The following NUCB1 variants were observed in gnomAD, a reference collection of about 807,000 sequenced individuals.
NUCB1 encodes nucleobindin 1, also known as nucleobindin-1.
NUCB1 carries 47 observed loss-of-function variants against 61.2 expected under a neutral mutation model. That is an observed-to-expected ratio of 0.77 (90% confidence interval 0.61 to 0.98). The LOEUF (loss-of-function observed/expected upper bound fraction) is 0.98, where lower values mean the gene tolerates loss of function less well. Among genes scored for constraint, NUCB1 ranks in the 50% least tolerant of loss-of-function variants. The pLI, the probability that NUCB1 is intolerant of heterozygous loss-of-function variation, is 0.00. For missense variants in NUCB1, 583 were observed against 605.3 expected (o/e 0.96, Z 0.39); for synonymous variants, 234 against 243.1 (o/e 0.96, Z 0.35).
intron 7 of NUCB1, among the ~76,000 whole-genome samples, chr19:48,914,361 AG>A (rs1165702525): frequency 2.0e-5 from 3 of 152,024 alleles, no homozygotes; most frequent in Admixed American, 6.6e-5. Context: ...GGGGTTGCCA[AG>A]CCCCCTCAGG....
intron 7 of NUCB1, among the ~76,000 whole-genome samples, chr19:48,917,776 G>A (rs1000970929): frequency 2.0e-5 from 3 of 151,408 alleles, no homozygotes; most frequent in Non-Finnish European, 2.9e-5. Context: ...GATTACAGGC[G>A]TGAGCCACCG....
At chr19:48,911,081 T>C in intron 4 of NUCB1, 68 bp from the exon 5 acceptor site, 1 of 1,167,534 alleles carries the variant, frequency 8.6e-7, no homozygotes, top group Non-Finnish European at 1.3e-6. Context: ...CTTTGGATCA[T>C]GTCTGGCCCA....
intron 2 of NUCB1, among the ~76,000 whole-genome samples, chr19:48,903,747 T>C (rs1443261192): frequency 7.6e-6 from 1 of 131,434 alleles, no homozygotes; most frequent in African/African-American, 3.0e-5. Context: ...GATGGGCGGG[T>C]GGATGGATGG....
intron 5 of NUCB1, among the ~76,000 whole-genome samples, chr19:48,911,661 C>T (rs1266514948): frequency 6.6e-6 from 1 of 152,062 alleles, no homozygotes; most frequent in Non-Finnish European, 1.5e-5. Context: ...CCGCCTCAGC[C>T]TCCCAAAGTG....
intron 7 of NUCB1, among the ~76,000 whole-genome samples, chr19:48,914,921 A>C (rs1331399172): frequency 6.6e-6 from 1 of 151,914 alleles, no homozygotes; most frequent in African/African-American, 2.4e-5. Flanking sequence ...TCTCCACAAA[A>C]ATACCAAAAT....
intron 2 of NUCB1, among the ~76,000 whole-genome samples, chr19:48,902,241 G>A (rs546326616): frequency 1.3e-5 from 2 of 152,028 alleles, no homozygotes; most frequent in African/African-American, 4.8e-5. Flanking sequence ...CTCCCGAGTA[G>A]CTGGGACTAC....
chr19:48,912,558 G>A (rs949600102), intron 5 of NUCB1, among the ~76,000 whole-genome samples: 2 of 152,116 alleles, frequency 1.3e-5, no homozygotes, highest in Admixed American at 6.6e-5. Flanking sequence ...ACATCAGGCT[G>A]TGCGCGATGG....
chr19:48,912,901 G>T, intron 5 of NUCB1, 110 bp from the exon 6 acceptor site: 1 of 681,024 alleles, frequency 1.5e-6, no homozygotes, highest in Non-Finnish European at 2.3e-6. Context: ...GACAGGTAGA[G>T]GCTGGGGCTG....
chr19:48,901,278 T>G (rs17272707), intron 2 of NUCB1, among the ~76,000 whole-genome samples: 17,274 of 152,268 alleles, frequency 0.11, 1,236 homozygotes, highest in Non-Finnish European at 0.16. Flanking sequence ...AGCTGGGGTA[T>G]TCTGACTTCA....
chr19:48,903,105 G>T (rs2037369805), intron 2 of NUCB1, among the ~76,000 whole-genome samples: 4 of 151,948 alleles, frequency 2.6e-5, no homozygotes. Flanking sequence ...ACCATGCCTG[G>T]CCTTCTCTCT....
At chr19:48,901,560 T>TC (rs1275599856) in intron 2 of NUCB1, among the ~76,000 whole-genome samples, 1 of 152,130 alleles carries the variant, frequency 6.6e-6, no homozygotes, top group Non-Finnish European at 1.5e-5. Context: ...GGTCAGGAGT[T>TC]CAAGACCAGC....
chr19:48,913,562 A>T lies in NUCB1; in HGVS notation c.755A>T (p.His252Leu). ...RFNPKTFFILHDINSDGVLDE... is the reference protein window; with the variant it reads ...RFNPKTFFILLDINSDGVLDE... ...AACCCCAAGACCTTCTTCATACTGC[A>T]TGGTAAGGTGGGGAGGGAGTTCCAG... The change falls in exon 7 of 13, where the codon CAT (histidine) becomes CTT (leucine). Residue 252 changes from histidine (H) to leucine (L), a missense_variant and splice_region_variant. Coordinates refer to ENST00000405315, the MANE Select transcript of NUCB1 (RefSeq NM_006184.6). 1 of 1,612,754 alleles carries T rather than the reference A, an allele frequency of 6.2e-7. No individual in the cohort carries two copies. The highest frequency in any genetic ancestry group is 8.5e-7 in the Non-Finnish European group (1 of 1,178,770).
intron 12 of NUCB1, 34 bp from the exon 13 acceptor site, chr19:48,922,284 G>A: frequency 6.4e-7 from 1 of 1,574,126 alleles, no homozygotes; most frequent in Non-Finnish European, 8.7e-7. Context: ...GGGTTCGGAT[G>A]TCCTGTGCCA....
At chr19:48,905,407 T>C (rs906516730) in intron 3 of NUCB1, among the ~76,000 whole-genome samples, 1 of 152,026 alleles carries the variant, frequency 6.6e-6, no homozygotes, top group African/African-American at 2.4e-5. Flanking sequence ...CACGGCTAAT[T>C]TTGTATTGTT....
At chr19:48,909,246 A>G in intron 4 of NUCB1, among the ~76,000 whole-genome samples, 1 of 130,876 alleles carries the variant, frequency 7.6e-6, no homozygotes, top group South Asian at 2.2e-4. Flanking sequence ...TATTATTATT[A>G]TTATTTTTTT....
intron 4 of NUCB1, among the ~76,000 whole-genome samples, chr19:48,907,261 C>T (rs2037422703): frequency 6.6e-6 from 1 of 150,378 alleles, no homozygotes. Context: ...GTGTGAGCCA[C>T]CGCGCCTGGC....
chr19:48,922,722 C>A lies in NUCB1; in HGVS notation c.*298C>A, dbSNP rs998612128. The A allele has an allele frequency of 4.4e-5, 16 of 366,820 alleles. No individual in the cohort carries two copies. Among genetic ancestry groups the A allele is most frequent in the Non-Finnish European group, 7.8e-5 (15 of 192,602 alleles). 22.7% of individuals were successfully genotyped at this position (366,820 alleles called of 1,614,324 possible). A position where few individuals can be genotyped will look rare whatever the true frequency, so the allele number is the denominator to read the frequency against. On this transcript the variant is annotated 3_prime_UTR_variant, in exon 13 of 13. Coordinates refer to ENST00000405315, the MANE Select transcript of NUCB1 (RefSeq NM_006184.6). ...AAGCCCGCCCCCTCCCCTTCTCCGT[C>A]TGTCCCAAGAGGGTCTGCTCTGAGC...
intron 12 of NUCB1, 109 bp from the exon 13 acceptor site, chr19:48,922,209 G>T: frequency 1.1e-6 from 1 of 887,006 alleles, no homozygotes; most frequent in Non-Finnish European, 1.8e-6. Flanking sequence ...GGGAGGAGGG[G>T]CTGGGGGCTG....
chr19:48,912,663 T>C (rs2037487594), intron 5 of NUCB1, among the ~76,000 whole-genome samples: 1 of 151,870 alleles, frequency 6.6e-6, no homozygotes, highest in Non-Finnish European at 1.5e-5. Context: ...TGGTGAAACC[T>C]CGTTTCTACT....
Sources: gnomAD v4.1 joint callset for allele counts (sites outside exome capture counted in the v4.1 genomes callset) on GRCh38, gnomAD v4.1.1 for gene constraint, MANE v1.5 for transcripts, NCBI Gene and HGNC (gene_info 2026-07-23, HGNC 2026-07-21) for gene names.